Variants in TMEM178B observed in about 807,000 individuals in gnomAD.
The protein encoded by TMEM178B is transmembrane protein 178B.
TMEM178B carries 5 observed loss-of-function variants against 31.0 expected under a neutral mutation model. The ratio of observed to expected loss-of-function variants is 0.16; its 90% confidence interval spans 0.08 to 0.34. TMEM178B has a LOEUF of 0.34. Among genes scored for constraint, TMEM178B ranks in the 10% least tolerant of loss-of-function variants. The pLI is 1.00. For synonymous variants in TMEM178B, 164 were observed against 164.0 expected, an observed-to-expected ratio of 1.00 and a Z score of 0.00; for missense variants, 275 against 400.3, an observed-to-expected ratio of 0.69 and a Z score of 2.67.
At chr7:141,098,218 A>G (rs1042701839) in intron 1 of TMEM178B, among the ~76,000 whole-genome samples, 12 of 151,992 alleles carry the variant, frequency 7.9e-5, no homozygotes, top group Admixed American at 7.2e-4. Flanking sequence ...TATCTCTTTT[A>G]CTCACTTGAT....
the TMEM178B span, among the ~76,000 whole-genome samples, chr7:141,493,442 C>T: frequency 2.0e-5 from 3 of 152,158 alleles, no homozygotes; most frequent in South Asian, 6.2e-4. Flanking sequence ...ACCCACCCCT[C>T]ATCCTTCCCA....
chr7:141,458,499 G>A (rs1229284928), intron 3 of TMEM178B, among the ~76,000 whole-genome samples: 1 of 152,180 alleles, frequency 6.6e-6, no homozygotes, highest in African/African-American at 2.4e-5. Context: ...AGAATGAAGG[G>A]TCCTGAGTAA....
intron 1 of TMEM178B, among the ~76,000 whole-genome samples, chr7:141,082,601 C>A (rs1794704621): frequency 6.6e-6 from 1 of 152,226 alleles, no homozygotes; most frequent in Admixed American, 6.5e-5. Flanking sequence ...CAGTGAGAGT[C>A]AGTGATTCAA....
At chr7:141,263,725 C>A (rs948092040) in intron 2 of TMEM178B, among the ~76,000 whole-genome samples, 1 of 152,172 alleles carries the variant, frequency 6.6e-6, no homozygotes, top group Non-Finnish European at 1.5e-5. Context: ...TGCTCATCTG[C>A]AGGGATTTTC....
At chr7:141,481,367 G>A (rs553111101), downstream of TMEM178B, among the ~76,000 whole-genome samples, 3 of 152,284 alleles carry the variant, frequency 2.0e-5, no homozygotes, top group African/African-American at 4.8e-5. Context: ...TGGGCAGCCC[G>A]AAAGAAGAAA....
At chr7:141,325,824 A>G (rs200019288) in intron 2 of TMEM178B, among the ~76,000 whole-genome samples, 5 of 48,146 alleles carry the variant, frequency 1.0e-4, no homozygotes, top group African/African-American at 3.7e-4. Flanking sequence ...CAGCCCTGGG[A>G]AAAAAAAAAG....
intron 2 of TMEM178B, among the ~76,000 whole-genome samples, chr7:141,355,358 C>G (rs1367953651): frequency 6.6e-6 from 1 of 152,134 alleles, no homozygotes; most frequent in Non-Finnish European, 1.5e-5. Context: ...TGTGGTGGAG[C>G]CTTAGAGAAG....
intron 2 of TMEM178B, among the ~76,000 whole-genome samples, chr7:141,287,215 G>C (rs1798460626): frequency 6.6e-6 from 1 of 151,954 alleles, no homozygotes; most frequent in Non-Finnish European, 1.5e-5. Flanking sequence ...TGATAATTTG[G>C]CTCTAAGAAC....
Position 141,243,491 on chromosome 7 carries a change from G to A in TMEM178B, c.496+30787G>A, listed in dbSNP as rs1037513451. Among the ~76,000 whole-genome samples the A allele has an allele frequency of 6.6e-5, 10 of 152,108 alleles. No individual in the cohort carries two copies. In the South Asian group the frequency reaches 2.1e-3, roughly 32 times the overall value. ...ATGAAGCTGAGGGAAACGTCAGCAG[G>A]GGCTGGTGGTGTCCTCAAACGGAGA... On this transcript the variant is annotated intron_variant, in intron 2 of 3. Coordinates refer to ENST00000565468, the MANE Select transcript of TMEM178B (RefSeq NM_001195278.2).
chr7:141,501,407 G>T, the TMEM178B span, among the ~76,000 whole-genome samples: 1 of 151,178 alleles, frequency 6.6e-6, no homozygotes, highest in African/African-American at 2.4e-5. Flanking sequence ...ACATTTTATA[G>T]TCTTCTCCTT....
At chr7:141,281,929 T>G (rs749488770) in intron 2 of TMEM178B, among the ~76,000 whole-genome samples, 2 of 152,094 alleles carry the variant, frequency 1.3e-5, no homozygotes, top group Non-Finnish European at 2.9e-5. Context: ...AAAAAAAAAT[T>G]AGGTAAGAGA....
At chr7:141,388,913 G>A (rs901673374) in intron 2 of TMEM178B, among the ~76,000 whole-genome samples, 1 of 144,046 alleles carries the variant, frequency 6.9e-6, no homozygotes, top group East Asian at 2.0e-4. Flanking sequence ...TTACCACTTT[G>A]GCAAACTCAT....
rs563111627 is a variant in TMEM178B, at chr7:141,286,036, A to C, written c.496+73332A>C. Among the ~76,000 whole-genome samples, 11 of 152,290 alleles carry C rather than the reference A, an allele frequency of 7.2e-5. No homozygotes were observed. The South Asian group carries it at 2.3e-3, about 32-fold the overall frequency. On this transcript the variant is annotated intron_variant, in intron 2 of 3. Transcript: ENST00000565468. ...CAGCAAACCACCATGGCATGGGTAT[A>C]CCTATGTAACAAACCTGCACGTTCT...
At chr7:141,212,876 G>A (rs763127716) in intron 2 of TMEM178B, 172 bp downstream of exon 2, 18 of 534,730 alleles carry the variant, frequency 3.4e-5, no homozygotes, top group Admixed American at 2.2e-4. Context: ...GGTTTTGATT[G>A]CATTATAAAT....
chr7:141,248,536 C>CT (rs2116332395), intron 2 of TMEM178B, among the ~76,000 whole-genome samples: 2 of 152,314 alleles, frequency 1.3e-5, no homozygotes, highest in Admixed American at 1.3e-4. Context: ...GTATAGCCTA[C>CT]TACGCACCTG....
intron 2 of TMEM178B, among the ~76,000 whole-genome samples, chr7:141,221,184 G>A (rs747702414): frequency 6.6e-6 from 1 of 152,196 alleles, no homozygotes; most frequent in Non-Finnish European, 1.5e-5. Context: ...CATCATCTAG[G>A]ACTTGCCTCT....
At chr7:141,336,868 C>T (rs565501014) in intron 2 of TMEM178B, among the ~76,000 whole-genome samples, 25 of 143,372 alleles carry the variant, frequency 1.7e-4, no homozygotes, top group African/African-American at 6.7e-4. Flanking sequence ...CTACCATCAT[C>T]ATCACCACCA....
intron 2 of TMEM178B, among the ~76,000 whole-genome samples, chr7:141,224,998 C>T (rs1332374093): frequency 6.6e-6 from 1 of 152,216 alleles, no homozygotes. Flanking sequence ...CTTTCTAGAA[C>T]CTGGCAGCAA....
chr7:141,306,318 A>G (rs1426389739), intron 2 of TMEM178B, among the ~76,000 whole-genome samples: 4 of 152,184 alleles, frequency 2.6e-5, no homozygotes, highest in Non-Finnish European at 4.4e-5. Context: ...GGGAGGGGCC[A>G]TCATGGAGGG....
Sources: allele counts gnomAD v4.1 joint callset (sites outside exome capture counted in the v4.1 genomes callset), GRCh38; gene constraint gnomAD v4.1.1; transcripts MANE v1.5; gene names NCBI Gene and HGNC (gene_info 2026-07-23, HGNC 2026-07-21).